The following SHROOM3 variants were observed in gnomAD, a reference collection of about 807,000 sequenced individuals.
The protein encoded by SHROOM3 is shroom family member 3.
In SHROOM3, 47 loss-of-function variants were observed where a neutral mutation model predicts 138.6. That is an observed-to-expected ratio of 0.34 (90% CI 0.27 to 0.43). The LOEUF is 0.43. SHROOM3 is among the 20% of genes least tolerant of loss of function. SHROOM3 has a pLI of 1.00. For missense variants in SHROOM3, 2,491 were observed against 2,596.5 expected (o/e 0.96, Z 0.88); for synonymous variants, 1,062 against 1,063.3 (o/e 1.00, Z 0.02).
At chr4:76,744,646 G>T (rs1427259453) in intron 5 of SHROOM3, among the ~76,000 whole-genome samples, 1 of 152,166 alleles carries the variant, frequency 6.6e-6, no homozygotes, top group African/African-American at 2.4e-5. Flanking sequence ...GGGAAGGTTT[G>T]TTAATCAATC....
At chr4:76,530,344 G>T (rs1375129167) in intron 1 of SHROOM3, among the ~76,000 whole-genome samples, 1 of 152,100 alleles carries the variant, frequency 6.6e-6, no homozygotes, top group Non-Finnish European at 1.5e-5. Context: ...TATCTGTGGG[G>T]TATCTGCTTC....
chr4:76,485,114 A>G (rs1292195312), intron 1 of SHROOM3, among the ~76,000 whole-genome samples: 1 of 152,220 alleles, frequency 6.6e-6, no homozygotes, highest in Admixed American at 6.5e-5. Context: ...GATTATCTCA[A>G]GATTCAGAAG....
rs749739923 is a variant in SHROOM3 at position 76,739,714 on chromosome 4, T to C, written c.1541T>C (p.Ile514Thr). 15 of 1,614,000 alleles carry C rather than the reference T, an allele frequency of 9.3e-6. No individual in the cohort carries two copies. The highest frequency in any genetic ancestry group is 2.2e-5 in the East Asian group (1 of 44,882). Reference sequence around the variant, plus strand: ...GGAGCATGCAACAAGATGGCTACCATTGATGAGAATGGGAACCAGAATGGA... The same window carrying C: ...GGAGCATGCAACAAGATGGCTACCACTGATGAGAATGGGAACCAGAATGGA... ...PQGACNKMAT[I>T]DENGNQNGSG... Residue 514 changes from isoleucine to threonine, a missense_variant, in exon 5 of 11, where the codon ATT (isoleucine) becomes ACT (threonine). Coordinates refer to ENST00000296043, the MANE Select transcript of SHROOM3 (RefSeq NM_020859.4).
At chr4:76,480,347 C>T (rs763843544) in intron 1 of SHROOM3, among the ~76,000 whole-genome samples, 2 of 152,126 alleles carry the variant, frequency 1.3e-5, no homozygotes, top group African/African-American at 4.8e-5. Context: ...CAATCCTAGT[C>T]TCTGATAAAA....
chr4:76,532,662 C>A (rs530161309), intron 1 of SHROOM3, among the ~76,000 whole-genome samples: 7 of 152,302 alleles, frequency 4.6e-5, no homozygotes, highest in African/African-American at 1.4e-4. Context: ...GGTGTGATAG[C>A]AAAACTAGCA....
At chr4:76,635,519 C>T (rs4859455) in intron 2 of SHROOM3, among the ~76,000 whole-genome samples, 35,419 of 152,050 alleles carry the variant, frequency 0.23, 4,273 homozygotes, top group East Asian at 0.38. Flanking sequence ...GGAGGGACAG[C>T]CAGACCTACC....
intron 2 of SHROOM3, among the ~76,000 whole-genome samples, chr4:76,604,213 A>G (rs1734570368): frequency 1.3e-5 from 2 of 152,300 alleles, no homozygotes; most frequent in South Asian, 2.1e-4. Context: ...CTGCCTTGGA[A>G]GAGGATGTTT....
chr4:76,748,730 G>A (rs938558093), intron 5 of SHROOM3, among the ~76,000 whole-genome samples: 5 of 150,472 alleles, frequency 3.3e-5, no homozygotes, highest in African/African-American at 7.4e-5. Context: ...AGAGATAATC[G>A]TTAGGAGACT....
Position 76,759,662 on chromosome 4 carries a change from G to A in SHROOM3, c.5316G>A (p.Glu1772=). The change falls in exon 9 of 11, where the codon GAG becomes GAA. Residue 1772 remains glutamate, a synonymous_variant. Transcript: ENST00000296043. ...AAGAGATGCCAGCAGAAGTGAATGA[G>A]GAAGAGGAACAGGCAGATGTCAATG... is the stretch of plus-strand genomic sequence containing the variant. The part of the protein sequence containing the change: ...KIKEMPAEVN[E]EEEQADVNEK... 1 of 1,614,138 alleles carries A rather than the reference G, an allele frequency of 6.2e-7. No individual in the cohort carries two copies. The highest frequency in any genetic ancestry group is 8.5e-7 in the Non-Finnish European group (1 of 1,180,026).
intron 2 of SHROOM3, among the ~76,000 whole-genome samples, chr4:76,709,137 G>T (rs1720152868): frequency 6.6e-6 from 1 of 152,170 alleles, no homozygotes; most frequent in Non-Finnish European, 1.5e-5. Context: ...TGTGTTCCAG[G>T]AAATAGAAGG....
At chr4:76,449,917 A>T (rs138800450) in intron 1 of SHROOM3, among the ~76,000 whole-genome samples, 2 of 152,356 alleles carry the variant, frequency 1.3e-5, no homozygotes, top group Non-Finnish European at 2.9e-5. Context: ...CTATTAAAAA[A>T]TAGAAGGTGA....
chr4:76,754,602 A>C lies in SHROOM3; in HGVS notation c.4119A>C (p.Thr1373=). Residue 1373 remains threonine (T), a synonymous_variant, in exon 7 of 11, where the codon ACA becomes ACC. Transcript: ENST00000296043. ...PSGYCSQDGQ[T]GRQPLPPYTP... is the part of the protein sequence containing the mutation. Reference sequence around the variant, plus strand: ...GCTACTGCTCACAGGACGGTCAGACAGGGCGACAGCCTCTCCCGCCCTACA... The same window carrying C: ...GCTACTGCTCACAGGACGGTCAGACCGGGCGACAGCCTCTCCCGCCCTACA... The C allele has an allele frequency of 1.2e-6, 2 of 1,614,140 alleles. No homozygotes were observed. Among genetic ancestry groups the C allele is most frequent in the Non-Finnish European group, 1.7e-6 (2 of 1,180,014 alleles).
intron 1 of SHROOM3, among the ~76,000 whole-genome samples, chr4:76,444,203 C>T (rs1730756598): frequency 6.6e-6 from 1 of 152,064 alleles, no homozygotes; most frequent in South Asian, 2.1e-4. Context: ...GAGTGATCCA[C>T]CACGCCTGGC....
intron 2 of SHROOM3, among the ~76,000 whole-genome samples, chr4:76,602,365 A>G (rs886201214): frequency 6.6e-6 from 1 of 152,176 alleles, no homozygotes; most frequent in Non-Finnish European, 1.5e-5. Flanking sequence ...TTATGTATTT[A>G]TATCTTACAA....
intron 2 of SHROOM3, among the ~76,000 whole-genome samples, chr4:76,593,073 CT>C (rs1734307373): frequency 6.6e-6 from 1 of 152,192 alleles, no homozygotes; most frequent in South Asian, 2.1e-4. Context: ...ACAGGGAATC[CT>C]TTTCTCCAAG....
intron 3 of SHROOM3, among the ~76,000 whole-genome samples, chr4:76,712,903 A>G (rs1226237543): frequency 2.6e-5 from 4 of 152,232 alleles, no homozygotes; most frequent in African/African-American, 9.6e-5. Context: ...TAGCTCTTAG[A>G]CTATGAACCT....
intron 1 of SHROOM3, among the ~76,000 whole-genome samples, chr4:76,467,196 T>A (rs1274066991): frequency 6.6e-6 from 1 of 152,018 alleles, no homozygotes; most frequent in Non-Finnish European, 1.5e-5. Flanking sequence ...GTACATGTTA[T>A]CAGACCCAGC....
At position 76,726,511 on chromosome 4, in the gene SHROOM3, TTCTC is replaced by T. The variant is rs1442652118; in HGVS notation, c.456-4286_456-4283del. On this transcript the variant is annotated intron_variant, in intron 3 of 10. Coordinates refer to ENST00000296043, the MANE Select transcript of SHROOM3 (RefSeq NM_020859.4). ...CCATCAGCATCCTGCTTATTTCCTC[TTCTC>T]TCTCTCCACTCCCATCCCCTCCATC... is the stretch of plus-strand genomic sequence containing the variant. Among the ~76,000 whole-genome samples the T allele has an allele frequency of 3.5e-5, 5 of 142,936 alleles. No individual in the cohort carries two copies. In the East Asian group the frequency reaches 1.0e-3, roughly 29 times the overall value. The allele number at this position is 142,936 out of a possible 152,430, so 93.8% of individuals were successfully genotyped here. A position where few individuals can be genotyped will look rare whatever the true frequency, so the allele number is the denominator to read the frequency against.
At chr4:76,693,476 C>T (rs6840488) in intron 2 of SHROOM3, among the ~76,000 whole-genome samples, 100,401 of 149,566 alleles carry the variant, frequency 0.67, 34,818 homozygotes, top group East Asian at 0.94. Context: ...CTCCACCTCC[C>T]GGGTTCAAGC....
Sources: allele counts gnomAD v4.1 joint callset (sites outside exome capture counted in the v4.1 genomes callset), GRCh38; gene constraint gnomAD v4.1.1; transcripts MANE v1.5; gene names NCBI Gene and HGNC (gene_info 2026-07-23, HGNC 2026-07-21).